The following TANC1 variants were observed in gnomAD, a reference collection of about 807,000 sequenced individuals.
TANC1 encodes the protein protein TANC1.
In TANC1, 77 loss-of-function variants were observed where a neutral mutation model predicts 149.7. The ratio of observed to expected loss-of-function variants is 0.51; its 90% CI spans 0.43 to 0.62. The LOEUF is 0.62. Ranked by LOEUF, TANC1 falls within the 20% of genes least tolerant of loss-of-function variation. The probability of loss-of-function intolerance (pLI) is 0.00; values close to 1 mark genes in which losing one functional copy is unlikely to be tolerated. For synonymous variants in TANC1, 854 were observed against 925.0 expected (o/e 0.92, Z 1.39); for missense variants, 1,985 against 2,321.8 (o/e 0.85, Z 2.98).
chr2:159,088,364 C>G (rs2045168761), intron 3 of TANC1, among the ~76,000 whole-genome samples: 1 of 152,096 alleles, frequency 6.6e-6, no homozygotes, highest in South Asian at 2.1e-4. Flanking sequence ...AATATTTTCT[C>G]ACATTGTTAA....
chr2:159,219,564 A>G, intron 21 of TANC1, 128 bp from the exon 22 acceptor site: 1 of 1,329,614 alleles, frequency 7.5e-7, no homozygotes, highest in Non-Finnish European at 1.1e-6. Flanking sequence ...CCATCCGGCC[A>G]GTGTCACCCT....
chr2:159,148,999 A>G, intron 5 of TANC1, 143 bp from the exon 6 acceptor site: 1 of 882,982 alleles, frequency 1.1e-6, no homozygotes, highest in Non-Finnish European at 1.7e-6. Context: ...TTGCTAGAGG[A>G]CAGGGTGCGT....
At chr2:159,096,927 G>T (rs2046205924) in intron 3 of TANC1, among the ~76,000 whole-genome samples, 1 of 152,152 alleles carries the variant, frequency 6.6e-6, no homozygotes, top group Non-Finnish European at 1.5e-5. Flanking sequence ...TGACATACTG[G>T]TTTTTTTGAG....
At chr2:159,144,008 T>C (rs978346318) in intron 5 of TANC1, among the ~76,000 whole-genome samples, 3 of 151,486 alleles carry the variant, frequency 2.0e-5, no homozygotes, top group Non-Finnish European at 2.9e-5. Flanking sequence ...ATAACCCTCC[T>C]AAGCCTGCAG....
At chr2:158,987,860 G>C (rs1029956122) in intron 1 of TANC1, among the ~76,000 whole-genome samples, 6 of 152,152 alleles carry the variant, frequency 3.9e-5, no homozygotes, top group Admixed American at 2.0e-4. Flanking sequence ...TGGGCGGGAA[G>C]GTGAAGGCTG....
At position 159,171,871 on chromosome 2, in the gene TANC1, A is replaced by AAGAAAAG. The variant is rs1553599449; in HGVS notation, c.1352-249_1352-248insGAAAAGA. On this transcript the variant is annotated intron_variant, in intron 10 of 26. Transcript: ENST00000263635. ...GACTCCGCCTTAAAAAAAAAAAAAA[A>AAGAAAAG]AAAAGAAAAAGAAAAAAAAAATTTA... 2.0e-3 allele frequency among the ~76,000 whole-genome samples: 206 copies of AAGAAAAG among 105,586 alleles called. 2 individuals are homozygous for AAGAAAAG. The highest frequency in any genetic ancestry group is 0.011 in the Middle Eastern group (2 of 186). The allele number at this position is 105,586 out of a possible 152,430, so 69.3% of individuals were successfully genotyped here.
At chr2:158,972,947 C>T (rs940536468) in intron 1 of TANC1, among the ~76,000 whole-genome samples, 15 of 152,280 alleles carry the variant, frequency 9.9e-5, no homozygotes, top group African/African-American at 3.6e-4. Flanking sequence ...AGAAGGCTTT[C>T]AGAGGACATT....
intron 7 of TANC1, among the ~76,000 whole-genome samples, chr2:159,158,512 T>C (rs2053669857): frequency 6.6e-6 from 1 of 152,186 alleles, no homozygotes. Context: ...GTAAACAGTA[T>C]TCCAATATTC....
chr2:159,188,083 C>G (rs58992629), intron 16 of TANC1, among the ~76,000 whole-genome samples: 1 of 152,156 alleles, frequency 6.6e-6, no homozygotes, highest in Non-Finnish European at 1.5e-5. Flanking sequence ...CCAGTGTCAC[C>G]TACATCTACA....
In TANC1 at chr2:159,194,409, A is replaced by G. The variant is rs769392597; in HGVS notation, c.2895A>G (p.Ser965=). ...TTGGTGCCTGCCTGGACGGAACGTC[A>G]GAGAACGGCATGACTGCCCTCTGTT... ...LEFGACLDGT[S]ENGMTALCYA... Residue 965 remains serine (S), a synonymous_variant, in exon 17 of 27, where the codon TCA becomes TCG. Transcript: ENST00000263635. 28 of 1,614,172 alleles carry G rather than the reference A, an allele frequency of 1.7e-5. No homozygotes were observed. Among genetic ancestry groups the G allele is most frequent in the Non-Finnish European group, 2.3e-5 (27 of 1,180,062 alleles).
chr2:159,229,993 C>T lies in TANC1; in HGVS notation c.4567C>T (p.Leu1523=). ...SLREPVAQPG[L]LLQPSKQAQI... ...GAGAGAGCCTGTGGCCCAGCCAGGG[C>T]TGCTCCTGCAGCCCTCCAAGCAGGC... Residue 1523 remains leucine (L), a synonymous_variant, in exon 27 of 27, where the codon CTG becomes TTG. Transcript: ENST00000263635. The T allele has an allele frequency of 6.2e-7, 1 of 1,614,112 alleles. No homozygotes were observed.
At chr2:159,046,275 A>C (rs988053927) in intron 2 of TANC1, among the ~76,000 whole-genome samples, 1 of 152,210 alleles carries the variant, frequency 6.6e-6, no homozygotes, top group Non-Finnish European at 1.5e-5. Flanking sequence ...CTGTGAAAGA[A>C]AACCTTGCAA....
intron 1 of TANC1, among the ~76,000 whole-genome samples, chr2:158,972,814 A>G (rs541040581): frequency 1.3e-5 from 2 of 152,330 alleles, no homozygotes; most frequent in East Asian, 1.9e-4. Flanking sequence ...ATGAAGTGCT[A>G]TTAGCTAGAG....
chr2:159,091,997 T>C (rs1215556734), intron 3 of TANC1, among the ~76,000 whole-genome samples: 3 of 151,954 alleles, frequency 2.0e-5, no homozygotes, highest in African/African-American at 7.2e-5. Context: ...TGTAGAGTTA[T>C]GTGGTTATAC....
intron 2 of TANC1, among the ~76,000 whole-genome samples, chr2:159,032,549 G>T (rs1034200637): frequency 5.3e-5 from 8 of 152,102 alleles, no homozygotes; most frequent in African/African-American, 2.4e-5. Context: ...GGATTGAAAG[G>T]CTGTTAAAAT....
chr2:159,186,041 C>T, intron 15 of TANC1, 142 bp downstream of exon 15: 2 of 642,456 alleles, frequency 3.1e-6, no homozygotes, highest in Non-Finnish European at 5.6e-6. Flanking sequence ...TGCCTCCCCT[C>T]TCCAAAAGTA....
At chr2:159,035,248 A>G (rs185846446) in intron 2 of TANC1, among the ~76,000 whole-genome samples, 7 of 152,338 alleles carry the variant, frequency 4.6e-5, no homozygotes, top group Admixed American at 2.6e-4. Context: ...ATCTGAAAAG[A>G]AAAAGCTATT....
intron 2 of TANC1, among the ~76,000 whole-genome samples, chr2:159,034,533 G>A (rs907342669): frequency 6.6e-6 from 1 of 152,200 alleles, no homozygotes; most frequent in African/African-American, 2.4e-5. Flanking sequence ...AGCTACCTAG[G>A]AGATTCTCAT....
chr2:159,202,355 A>G lies in TANC1; in HGVS notation c.3244+3302A>G, dbSNP rs1196304179. On this transcript the variant is annotated intron_variant, in intron 19 of 26. Transcript: ENST00000263635. ...TAAGACGTTCATAAAAAATGGGAACAGTATTTAGTTTAGGGTTTAGGGGTT... is the reference window on the plus strand; with the variant it reads ...TAAGACGTTCATAAAAAATGGGAACGGTATTTAGTTTAGGGTTTAGGGGTT... Among the ~76,000 whole-genome samples the G allele has an allele frequency of 8.5e-5, 13 of 152,372 alleles. No homozygotes were observed. In the South Asian group the frequency reaches 2.7e-3, roughly 32 times the overall value.
Sources: gnomAD v4.1 joint callset for allele counts (sites outside exome capture counted in the v4.1 genomes callset) on GRCh38, gnomAD v4.1.1 for gene constraint, MANE v1.5 for transcripts, NCBI Gene and HGNC (gene_info 2026-07-23, HGNC 2026-07-21) for gene names.